The following RNF169 variants were observed in gnomAD, a reference collection of about 807,000 sequenced individuals.
RNF169 encodes the protein ring finger protein 169, also known as E3 ubiquitin-protein ligase RNF169.
Under a neutral mutation model 53.9 loss-of-function variants are expected in RNF169, and 24 were observed. The observed-to-expected ratio is 0.45, with a 90% CI of 0.32 to 0.63. RNF169 has a LOEUF of 0.63. RNF169 is among the 20% of genes least tolerant of loss of function. RNF169 has a pLI of 0.04. For synonymous variants in RNF169, 396 were observed against 363.5 expected (o/e 1.09, Z -1.02); for missense variants, 883 against 906.2 (o/e 0.97, Z 0.33).
chr11:74,798,449 A>G (rs969347565), intron 2 of RNF169, among the ~76,000 whole-genome samples: 8 of 152,154 alleles, frequency 5.3e-5, no homozygotes, highest in African/African-American at 1.9e-4. Flanking sequence ...GGAAATTCCC[A>G]CCTAATAAAT....
At chr11:74,755,229 T>A (rs1448115400) in intron 1 of RNF169, among the ~76,000 whole-genome samples, 1 of 152,194 alleles carries the variant, frequency 6.6e-6, no homozygotes, top group Admixed American at 6.5e-5. Context: ...TTTTTAAAGC[T>A]CTTGATGAGA....
chr11:74,781,432 A>C (rs2035415170), intron 1 of RNF169, among the ~76,000 whole-genome samples: 1 of 152,252 alleles, frequency 6.6e-6, no homozygotes, highest in Non-Finnish European at 1.5e-5. Flanking sequence ...CAGACAGTAC[A>C]GAAATAGATC....
chr11:74,750,206 T>G (rs1401757997), intron 1 of RNF169, among the ~76,000 whole-genome samples: 3 of 152,182 alleles, frequency 2.0e-5, no homozygotes, highest in African/African-American at 7.2e-5. Flanking sequence ...AGCTTTGAAA[T>G]GCAAAGTGCC....
rs115881932 is a variant in RNF169 at position 74,828,383 on chromosome 11, T to C, written c.843-6293T>C. 9.1e-3 allele frequency among the ~76,000 whole-genome samples: 1,378 copies of C among 152,262 alleles called. 26 individuals carry two copies. Among genetic ancestry groups the C allele is most frequent in the African/African-American group, 0.031 (1,301 of 41,542 alleles). ...TGCTCATGGATGGGAAGAATGAATA[T>C]CATTAAAATGGCTGTACTGCCCAAA... On this transcript the variant is annotated intron_variant, in intron 4 of 5. Coordinates refer to ENST00000299563, the MANE Select transcript of RNF169 (RefSeq NM_001098638.2).
chr11:74,802,412 G>T, intron 2 of RNF169, among the ~76,000 whole-genome samples: 1 of 152,292 alleles, frequency 6.6e-6, no homozygotes, highest in East Asian at 1.9e-4. Flanking sequence ...TTGGGAGGCC[G>T]AGGCAAGCGG....
chr11:74,775,226 A>C (rs889998481), intron 1 of RNF169, among the ~76,000 whole-genome samples: 1 of 151,640 alleles, frequency 6.6e-6, no homozygotes, highest in Admixed American at 6.5e-5. Context: ...TAAGTCAATG[A>C]AGAGGTAAAG....
At chr11:74,771,633 G>A (rs896888156) in intron 1 of RNF169, among the ~76,000 whole-genome samples, 3 of 152,194 alleles carry the variant, frequency 2.0e-5, no homozygotes, top group African/African-American at 7.2e-5. Context: ...GAGCCCAGGA[G>A]TTTGGGGCTG....
Position 74,839,523 on chromosome 11 carries a change from G to C in RNF169, c.*2793G>C, listed in dbSNP as rs1329880100. 6.6e-6 allele frequency: 1 copy of C among 152,180 alleles called. No individual in the cohort carries two copies. Among genetic ancestry groups the C allele is most frequent in the African/African-American group, 2.4e-5 (1 of 41,442 alleles). The allele number at this position is 152,180 out of a possible 1,614,324, so 9.4% of individuals were successfully genotyped here. On this transcript the variant is annotated 3_prime_UTR_variant, in exon 6 of 6. Coordinates refer to ENST00000299563, the MANE Select transcript of RNF169 (RefSeq NM_001098638.2). ...GAAGGGTTTGTGAGCTAGAATAAGA[G>C]GTGCAGGATTTCACAAAACAAATTC... is the stretch of plus-strand genomic sequence containing the variant.
rs1565190237 is a variant in RNF169, at chr11:74,836,752, T to C, written c.*22T>C. 1 of 1,555,922 alleles carries C rather than the reference T, an allele frequency of 6.4e-7. No individual in the cohort carries two copies. The highest frequency in any genetic ancestry group is 2.2e-5 in the East Asian group (1 of 44,560). On this transcript the variant is annotated 3_prime_UTR_variant, in exon 6 of 6. Transcript: ENST00000299563. ...GTAGCACCTAATGAAGTGTTACCTATTTTTAAAAGGTCTTAGGCCTTGATC... is the reference window on the plus strand; with the variant it reads ...GTAGCACCTAATGAAGTGTTACCTACTTTTAAAAGGTCTTAGGCCTTGATC...
At position 74,749,294 on chromosome 11, in the gene RNF169, C is replaced by G. The variant is rs2034846075; in HGVS notation, c.414C>G (p.Pro138=). 2 of 1,169,704 alleles carry G rather than the reference C, an allele frequency of 1.7e-6. No homozygotes were observed. Among genetic ancestry groups the G allele is most frequent in the Middle Eastern group, 3.4e-4 (1 of 2,900 alleles). 72.5% of individuals were successfully genotyped at this position (1,169,704 alleles called of 1,614,324 possible). Residue 138 remains proline (P), a synonymous_variant, in exon 1 of 6, where the codon CCC becomes CCG. Transcript: ENST00000299563. ...GCGAGTGCGCCCGCCGCAGCCAACC[C>G]GAGCGCTGCCGCCCGCGCCGGGACG... The part of the protein sequence containing the change: ...VLGECARRSQ[P]ERCRPRRDGG...
intron 1 of RNF169, among the ~76,000 whole-genome samples, chr11:74,758,760 T>C (rs533590514): frequency 3.5e-4 from 54 of 152,198 alleles, no homozygotes; most frequent in Non-Finnish European, 6.8e-4. Context: ...CACCTTGGCC[T>C]CCCAAAGTGC....
chr11:74,748,888 C>A lies in RNF169; in HGVS notation c.8C>A (p.Ala3Asp). The change falls in exon 1 of 6, where the codon GCT becomes GAT. Residue 3 changes from alanine (A) to aspartate (D), a missense_variant. By Grantham distance (126) the Ala-to-Asp change is moderately radical (BLOSUM62 -2). Coordinates refer to ENST00000299563, the MANE Select transcript of RNF169 (RefSeq NM_001098638.2). Reference sequence around the variant, plus strand: ...CTTCAAACGGGAAACAAGATGGCGGCTGCAGGTCCGAGTACTCGGGCCTCT... The same window carrying A: ...CTTCAAACGGGAAACAAGATGGCGGATGCAGGTCCGAGTACTCGGGCCTCT... The part of the protein sequence containing the change: MA[A>D]AGPSTRASSA... 1 of 1,427,862 alleles carries A rather than the reference C, an allele frequency of 7.0e-7. No individual in the cohort carries two copies. Among genetic ancestry groups the A allele is most frequent in the Non-Finnish European group, 9.3e-7 (1 of 1,079,422 alleles). 88.4% of individuals were successfully genotyped at this position (1,427,862 alleles called of 1,614,324 possible). A position where few individuals can be genotyped will look rare whatever the true frequency, so the allele number is the denominator to read the frequency against.
At chr11:74,806,224 CAT>C (rs370546520) in intron 2 of RNF169, among the ~76,000 whole-genome samples, 5 of 152,082 alleles carry the variant, frequency 3.3e-5, no homozygotes, top group African/African-American at 1.2e-4. Context: ...ACATAATAAA[CAT>C]GTGAAGCTGT....
At chr11:74,750,653 A>G (rs933793058) in intron 1 of RNF169, among the ~76,000 whole-genome samples, 5 of 114,828 alleles carry the variant, frequency 4.4e-5, no homozygotes, top group Admixed American at 4.0e-4. Context: ...GCTGGAGTGT[A>G]ATGGTGCGAT....
intron 2 of RNF169, among the ~76,000 whole-genome samples, chr11:74,802,989 C>T (rs965218970): frequency 3.3e-5 from 5 of 151,802 alleles, no homozygotes; most frequent in African/African-American, 7.2e-5. Context: ...GGGGCAATCT[C>T]GGCTCACCGC....
At chr11:74,820,929 T>G (rs1314049799) in intron 4 of RNF169, among the ~76,000 whole-genome samples, 5 of 152,198 alleles carry the variant, frequency 3.3e-5, no homozygotes, top group Admixed American at 3.3e-4. Context: ...TCATGTGATT[T>G]AATTCTCATA....
At chr11:74,751,858 A>G (rs557021063) in intron 1 of RNF169, among the ~76,000 whole-genome samples, 223 of 152,194 alleles carry the variant, frequency 1.5e-3, no homozygotes, top group Non-Finnish European at 2.8e-3. Context: ...TTGTAGTTAT[A>G]TACAGTATTT....
Position 74,750,769 on chromosome 11 carries a change from CT to C in RNF169, c.502+1393del, listed in dbSNP as rs952051303. On this transcript the variant is annotated intron_variant, in intron 1 of 5. Transcript: ENST00000299563. ...TACAGGCGCCCACCACCACGCCCGG[CT>C]TTTTTGTATTTTTAGTACAGATGAG... Among the ~76,000 whole-genome samples the C allele has an allele frequency of 1.1e-3, 158 of 148,230 alleles. 1 individual carries two copies. Among genetic ancestry groups the C allele is most frequent in the African/African-American group, 3.8e-3 (151 of 40,180 alleles).
Position 74,838,617 on chromosome 11 carries a change from C to CTG in RNF169, c.*1896_*1897dup, listed in dbSNP as rs1242506274. 1 of 152,228 alleles carries CTG rather than the reference C, an allele frequency of 6.6e-6. No homozygotes were observed. Among genetic ancestry groups the CTG allele is most frequent in the South Asian group, 2.1e-4 (1 of 4,830 alleles). The allele number at this position is 152,228 out of a possible 1,614,324, so 9.4% of individuals were successfully genotyped here. A position where few individuals can be genotyped will look rare whatever the true frequency, so the allele number is the denominator to read the frequency against. ...CCTGAATGTATGCATTCTGTGTTCT[C>CTG]TGTGTGTGTGCACATATGCAGATGT... On this transcript the variant is annotated 3_prime_UTR_variant, in exon 6 of 6. Coordinates refer to ENST00000299563, the MANE Select transcript of RNF169 (RefSeq NM_001098638.2).
Sources: allele counts gnomAD v4.1 joint callset (sites outside exome capture counted in the v4.1 genomes callset), GRCh38; gene constraint gnomAD v4.1.1; transcripts MANE v1.5; gene names NCBI Gene and HGNC (gene_info 2026-07-23, HGNC 2026-07-21).